ANO10: variants seen among roughly 807,000 people sequenced by gnomAD.
ANO10 encodes anoctamin 10, also known as anoctamin-10.
Under a neutral mutation model 74.7 loss-of-function variants are expected in ANO10, and 77 were observed. The ratio of observed to expected loss-of-function variants is 1.03; its 90% CI spans 0.86 to 1.25. The LOEUF is 1.25. Ranked by LOEUF, ANO10 falls within the 50% of genes most tolerant of loss-of-function variation. The pLI is 0.00. For missense variants in ANO10, 721 were observed against 778.1 expected, an observed-to-expected ratio of 0.93 and a Z score of 0.87; for synonymous variants, 279 against 284.9, an observed-to-expected ratio of 0.98 and a Z score of 0.21.
At chr3:43,591,828 C>T (rs9834786) in intron 4 of ANO10, among the ~76,000 whole-genome samples, 67,834 of 152,110 alleles carry the variant, frequency 0.45, 17,986 homozygotes, top group East Asian at 0.77. Flanking sequence ...CACAAGGGGT[C>T]GGGGAATTCC....
intron 2 of ANO10, among the ~76,000 whole-genome samples, chr3:43,604,087 T>A (rs958218474): frequency 5.3e-5 from 8 of 152,166 alleles, no homozygotes; most frequent in African/African-American, 1.4e-4. Context: ...CTATTTATTT[T>A]TATTTTAATT....
intron 11 of ANO10, among the ~76,000 whole-genome samples, chr3:43,443,477 A>G (rs1206851320): frequency 1.3e-5 from 2 of 152,110 alleles, no homozygotes; most frequent in African/African-American, 2.4e-5. Context: ...GAGATCAGGG[A>G]GACCTTGAGG....
At chr3:43,655,554 G>A (rs1026080283) in intron 1 of ANO10, among the ~76,000 whole-genome samples, 1 of 152,226 alleles carries the variant, frequency 6.6e-6, no homozygotes, top group African/African-American at 2.4e-5. Flanking sequence ...CCCCACCCAT[G>A]TCCTGCTGAT....
In ANO10 at chr3:43,516,687, A is replaced by G. The variant is rs1273879610; in HGVS notation, c.1797+33033T>C. On this transcript the variant is annotated intron_variant, in intron 11 of 12. Coordinates refer to ENST00000292246, the MANE Select transcript of ANO10 (RefSeq NM_018075.5). ...AGACATGACAGCAGTGGCCTGGTGC[A>G]AGGCTGATAGCACCTTAGAATGGTG... Among the ~76,000 whole-genome samples, 5 of 152,220 alleles carry G rather than the reference A, an allele frequency of 3.3e-5. No homozygotes were observed. In the East Asian group the frequency reaches 7.7e-4, roughly 23 times the overall value.
rs370421498 is a variant in ANO10 at position 43,532,558 on chromosome 3, A to ATTATT, written c.1797+17161_1797+17162insAATAA. Among the ~76,000 whole-genome samples, 16 of 152,266 alleles carry ATTATT rather than the reference A, an allele frequency of 1.1e-4. 1 individual carries two copies. The highest frequency in any genetic ancestry group is 7.7e-4 in the East Asian group (4 of 5,184). ...AGATACATAAAATTCTCAAAACAAA[A>ATTATT]TTAAATTGTTTTTTATATCATATAA... On this transcript the variant is annotated intron_variant, in intron 11 of 12. Transcript: ENST00000292246.
At chr3:43,667,428 T>C (rs570270088) in intron 1 of ANO10, among the ~76,000 whole-genome samples, 15 of 152,282 alleles carry the variant, frequency 9.9e-5, no homozygotes, top group African/African-American at 3.6e-4. Flanking sequence ...CACTATTGTT[T>C]TTTAAAATTT....
chr3:43,665,855 T>C (rs2083985828), intron 1 of ANO10, among the ~76,000 whole-genome samples: 1 of 152,242 alleles, frequency 6.6e-6, no homozygotes, highest in Admixed American at 6.5e-5. Context: ...GATGGTTGTA[T>C]GAAATGTTCA....
chr3:43,464,844 G>A (rs2075546331), intron 11 of ANO10, among the ~76,000 whole-genome samples: 1 of 152,078 alleles, frequency 6.6e-6, no homozygotes, highest in African/African-American at 2.4e-5. Flanking sequence ...TGGAAATAGA[G>A]GCAAATTTCC....
intron 8 of ANO10, 128 bp from the exon 9 acceptor site, chr3:43,561,530 G>C (rs902671308): frequency 3.3e-5 from 29 of 884,594 alleles, no homozygotes; most frequent in Admixed American, 2.8e-4. Flanking sequence ...AAATAAAATG[G>C]AATCTTCAAT....
At chr3:43,448,172 C>T (rs771059496) in intron 11 of ANO10, among the ~76,000 whole-genome samples, 9 of 152,124 alleles carry the variant, frequency 5.9e-5, no homozygotes, top group Non-Finnish European at 1.2e-4. Context: ...TCTCAACTTC[C>T]GGAAGCATGA....
rs147930081 is a variant in ANO10, at chr3:43,504,876, G to T, written c.1797+44844C>A. On this transcript the variant is annotated intron_variant, in intron 11 of 12. Transcript: ENST00000292246. ...AGGCTGGTCTTGAACTCCTGACCTCGTAATCCTCCCACCTCTGCCTCCCAA... is the reference window on the plus strand; with the variant it reads ...AGGCTGGTCTTGAACTCCTGACCTCTTAATCCTCCCACCTCTGCCTCCCAA... Among the ~76,000 whole-genome samples the T allele has an allele frequency of 3.0e-4, 45 of 152,146 alleles. 2 individuals carry two copies. In the East Asian group the frequency reaches 8.7e-3, roughly 29 times the overall value.
chr3:43,655,628 G>C (rs143432549), intron 1 of ANO10, among the ~76,000 whole-genome samples: 38 of 152,310 alleles, frequency 2.5e-4, no homozygotes, highest in Non-Finnish European at 3.8e-4. Flanking sequence ...CCCTGAGCTA[G>C]ACATAAAGGT....
At chr3:43,504,071 C>T (rs1223385925) in intron 11 of ANO10, among the ~76,000 whole-genome samples, 1 of 151,986 alleles carries the variant, frequency 6.6e-6, no homozygotes, top group African/African-American at 2.4e-5. Flanking sequence ...GAGTTCAAGA[C>T]GAGCCTAGCC....
intron 9 of ANO10, among the ~76,000 whole-genome samples, chr3:43,556,376 A>G (rs1429722231): frequency 6.6e-6 from 1 of 152,146 alleles, no homozygotes; most frequent in Non-Finnish European, 1.5e-5. Context: ...AAATCATGCA[A>G]AGGCCTTCTT....
intron 11 of ANO10, among the ~76,000 whole-genome samples, chr3:43,462,966 A>T (rs191470253): frequency 1.4e-4 from 22 of 152,298 alleles, no homozygotes; most frequent in Non-Finnish European, 1.5e-5. Context: ...TCAAAAACTG[A>T]GGTTTGGGAG....
At chr3:43,407,813 G>A (rs377410472) in intron 12 of ANO10, among the ~76,000 whole-genome samples, 1 of 152,220 alleles carries the variant, frequency 6.6e-6, no homozygotes, top group African/African-American at 2.4e-5. Flanking sequence ...AATGTGCAAA[G>A]GCAAAAGAAC....
intron 11 of ANO10, among the ~76,000 whole-genome samples, chr3:43,504,771 T>C (rs2077231584): frequency 6.6e-6 from 1 of 152,094 alleles, no homozygotes; most frequent in Admixed American, 6.5e-5. Flanking sequence ...GCCTCCTTAG[T>C]AGCTGGATTA....
Position 43,600,448 on chromosome 3 carries a change from C to G in ANO10, c.273G>C (p.Glu91Asp). 1 of 1,614,154 alleles carries G rather than the reference C, an allele frequency of 6.2e-7. No homozygotes were observed. The highest frequency in any genetic ancestry group is 8.5e-7 in the Non-Finnish European group (1 of 1,180,012). Residue 91 changes from glutamate to aspartate, a missense_variant, in exon 3 of 13, where the codon GAG (glutamate) becomes GAC (aspartate). Coordinates refer to ENST00000292246, the MANE Select transcript of ANO10 (RefSeq NM_018075.5). ...LGAEAVGLVK[E>D]CNDNTMRAFT... ...AGGCTCTCATGGTGTTATCATTGCA[C>G]TCTTTTACCAATCCCACTGCTTCTG...
At chr3:43,534,482 G>A (rs554760438) in intron 11 of ANO10, among the ~76,000 whole-genome samples, 73 of 151,538 alleles carry the variant, frequency 4.8e-4, no homozygotes, top group African/African-American at 1.7e-3. Context: ...GCATGAGAGA[G>A]AGCGCGCAAG....
Sources: allele counts gnomAD v4.1 joint callset (sites outside exome capture counted in the v4.1 genomes callset), GRCh38; gene constraint gnomAD v4.1.1; transcripts MANE v1.5; gene names NCBI Gene and HGNC (gene_info 2026-07-23, HGNC 2026-07-21).